The following UNC5D variants were observed in gnomAD, a reference collection of about 807,000 sequenced individuals.
The protein encoded by UNC5D is netrin receptor UNC5D.
Under a neutral mutation model 105.4 loss-of-function variants are expected in UNC5D, and 39 were observed. The ratio of observed to expected loss-of-function variants is 0.37; its 90% CI spans 0.29 to 0.48. The LOEUF is 0.48. Among genes scored for constraint, UNC5D ranks in the 20% least tolerant of loss-of-function variants. UNC5D has a pLI of 0.98. For synonymous variants in UNC5D, 452 were observed against 450.4 expected (o/e 1.00, Z -0.04); for missense variants, 991 against 1,202.4 (o/e 0.82, Z 2.60).
chr8:35,595,500 T>G, intron 3 of UNC5D, 54 bp from the exon 4 acceptor site: 1 of 1,556,976 alleles, frequency 6.4e-7, no homozygotes, highest in Non-Finnish European at 8.8e-7. Context: ...TGGACCAAAT[T>G]TGAATAACAC....
intron 1 of UNC5D, among the ~76,000 whole-genome samples, chr8:35,242,603 G>A (rs935852458): frequency 4.6e-5 from 7 of 151,978 alleles, no homozygotes; most frequent in African/African-American, 1.5e-4. Flanking sequence ...TCAGCCTCCC[G>A]AGTAGCTGGG....
chr8:35,275,394 T>A (rs1805707529), intron 1 of UNC5D, among the ~76,000 whole-genome samples: 1 of 152,068 alleles, frequency 6.6e-6, no homozygotes. Context: ...TGAAAAAAAA[T>A]TCCATAAATA....
At chr8:35,785,141 G>T (rs1452745128) in intron 16 of UNC5D, among the ~76,000 whole-genome samples, 1 of 151,922 alleles carries the variant, frequency 6.6e-6, no homozygotes, top group Non-Finnish European at 1.5e-5. Context: ...TATTAACAAT[G>T]TTCCCTGAAT....
intron 1 of UNC5D, among the ~76,000 whole-genome samples, chr8:35,350,866 G>C (rs1357953219): frequency 6.6e-6 from 1 of 151,984 alleles, no homozygotes; most frequent in African/African-American, 2.4e-5. Context: ...AGTGCTTGCA[G>C]ATTGTTGCCG....
At chr8:35,690,660 G>A (rs1030220299) in intron 7 of UNC5D, among the ~76,000 whole-genome samples, 4 of 152,120 alleles carry the variant, frequency 2.6e-5, no homozygotes, top group Non-Finnish European at 4.4e-5. Flanking sequence ...TATCTCTTCA[G>A]GAAGCAATGG....
In UNC5D at chr8:35,438,785, C is replaced by T. The variant is rs146123150; in HGVS notation, c.104-110507C>T. On this transcript the variant is annotated intron_variant, in intron 1 of 16. Transcript: ENST00000404895. ...GATCAAGAACGTGTAAAGCAGAGAC[C>T]GAGAGCTAAAGAATTTAGGATATCA... Among the ~76,000 whole-genome samples the T allele has an allele frequency of 6.6e-5, 10 of 151,932 alleles. No individual in the cohort carries two copies. The East Asian group carries it at 1.4e-3, about 21-fold the overall frequency.
chr8:35,632,663 T>C (rs4481588), intron 4 of UNC5D, among the ~76,000 whole-genome samples: 137,791 of 152,226 alleles, frequency 0.91, 62,390 homozygotes, highest in East Asian at 0.96. Context: ...TCTGTCTTGT[T>C]CACTGCAGAA....
At chr8:35,650,140 A>AG (rs1328095698) in intron 4 of UNC5D, among the ~76,000 whole-genome samples, 1 of 152,182 alleles carries the variant, frequency 6.6e-6, no homozygotes, top group Non-Finnish European at 1.5e-5. Context: ...AAAACAAAAA[A>AG]CAAAAAACAA....
intron 1 of UNC5D, among the ~76,000 whole-genome samples, chr8:35,440,639 TCTC>T (rs756886922): frequency 1.3e-5 from 2 of 151,892 alleles, no homozygotes; most frequent in Admixed American, 6.6e-5. Context: ...TTGCATCACA[TCTC>T]CTCCCCAAAG....
chr8:35,358,136 C>T (rs1463119689), intron 1 of UNC5D, among the ~76,000 whole-genome samples: 1 of 152,146 alleles, frequency 6.6e-6, no homozygotes, highest in Admixed American at 6.5e-5. Context: ...ACCCAGCAAT[C>T]CCATTACTGG....
chr8:35,581,653 G>C (rs948494808), intron 3 of UNC5D, among the ~76,000 whole-genome samples: 4 of 151,862 alleles, frequency 2.6e-5, no homozygotes, highest in African/African-American at 9.7e-5. Context: ...GAGATGATGG[G>C]TATCCCAGTA....
At chr8:35,770,551 T>TA (rs1801964765) in intron 15 of UNC5D, among the ~76,000 whole-genome samples, 1 of 152,208 alleles carries the variant, frequency 6.6e-6, no homozygotes, top group South Asian at 2.1e-4. Flanking sequence ...CCCTTAAATT[T>TA]AACCCTATTG....
chr8:35,633,699 G>A (rs1356989928), intron 4 of UNC5D, among the ~76,000 whole-genome samples: 1 of 152,160 alleles, frequency 6.6e-6, no homozygotes, highest in Non-Finnish European at 1.5e-5. Flanking sequence ...AGGTTACAGT[G>A]AGCTGTGATT....
At chr8:35,244,568 A>C (rs1802976222) in intron 1 of UNC5D, among the ~76,000 whole-genome samples, 1 of 152,220 alleles carries the variant, frequency 6.6e-6, no homozygotes, top group African/African-American at 2.4e-5. Context: ...TAACTTTATG[A>C]ATATATTAAA....
chr8:35,689,393 T>C (rs934397684), intron 7 of UNC5D, among the ~76,000 whole-genome samples: 7 of 152,224 alleles, frequency 4.6e-5, no homozygotes, highest in African/African-American at 1.7e-4. Context: ...ATCCTAACTC[T>C]GATATCTGAG....
intron 1 of UNC5D, among the ~76,000 whole-genome samples, chr8:35,527,882 C>T (rs935432425): frequency 6.6e-6 from 1 of 151,984 alleles, no homozygotes; most frequent in Non-Finnish European, 1.5e-5. Flanking sequence ...TCACTACTCT[C>T]ATAACCTAAT....
chr8:35,359,040 A>G (rs936388522), intron 1 of UNC5D, among the ~76,000 whole-genome samples: 2 of 152,106 alleles, frequency 1.3e-5, no homozygotes, highest in Admixed American at 1.3e-4. Flanking sequence ...CGTCCCATGT[A>G]CTCAGGAGGC....
chr8:35,718,258 C>A (rs748421988), intron 8 of UNC5D, among the ~76,000 whole-genome samples: 1 of 152,088 alleles, frequency 6.6e-6, no homozygotes, highest in African/African-American at 2.4e-5. Flanking sequence ...TGTAAAGCTT[C>A]GTTTATGAAA....
intron 1 of UNC5D, among the ~76,000 whole-genome samples, chr8:35,455,430 C>A (rs1808423080): frequency 6.6e-6 from 1 of 151,956 alleles, no homozygotes; most frequent in Admixed American, 6.6e-5. Flanking sequence ...AGGCAAACAA[C>A]ACCACGCCTG....
Sources: allele counts gnomAD v4.1 joint callset (sites outside exome capture counted in the v4.1 genomes callset), GRCh38; gene constraint gnomAD v4.1.1; transcripts MANE v1.5; gene names NCBI Gene and HGNC (gene_info 2026-07-23, HGNC 2026-07-21).